CTTNBP2: variants seen among roughly 807,000 people sequenced by gnomAD.
CTTNBP2 encodes cortactin binding protein 2.
Under a neutral mutation model 156.9 loss-of-function variants are expected in CTTNBP2, and 108 were observed. The ratio of observed to expected loss-of-function variants is 0.69; its 90% confidence interval spans 0.59 to 0.81. The LOEUF (loss-of-function observed/expected upper bound fraction) is 0.81, where lower values mean the gene tolerates loss of function less well. Among genes scored for constraint, CTTNBP2 ranks in the 30% least tolerant of loss-of-function variants. The pLI is 0.00. For synonymous variants in CTTNBP2, 767 were observed against 751.8 expected (o/e 1.02, Z -0.33); for missense variants, 1,924 against 2,035.4 (o/e 0.95, Z 1.05).
At chr7:117,778,723 G>A (rs1320078476) in intron 7 of CTTNBP2, among the ~76,000 whole-genome samples, 1 of 152,106 alleles carries the variant, frequency 6.6e-6, no homozygotes, top group African/African-American at 2.4e-5. Flanking sequence ...TCTTTATATA[G>A]AAATCGGTCT....
chr7:117,771,006 A>G (rs1417406432), intron 8 of CTTNBP2, among the ~76,000 whole-genome samples: 2 of 152,206 alleles, frequency 1.3e-5, no homozygotes, highest in Non-Finnish European at 2.9e-5. Flanking sequence ...CAGCTTTCAC[A>G]TGCACTCACA....
intron 2 of CTTNBP2, among the ~76,000 whole-genome samples, chr7:117,824,360 A>G (rs1218300911): frequency 6.6e-6 from 1 of 151,892 alleles, no homozygotes; most frequent in African/African-American, 2.4e-5. Flanking sequence ...AGGAACATCA[A>G]TTTTTCTCCT....
chr7:117,832,535 ATTTTT>A (rs150586583), intron 2 of CTTNBP2, among the ~76,000 whole-genome samples: 1 of 147,850 alleles, frequency 6.8e-6, no homozygotes, highest in African/African-American at 2.5e-5. Flanking sequence ...CTCTACTCTC[ATTTTT>A]TTTTTACATA....
In CTTNBP2 at chr7:117,745,832, G is replaced by C. The variant is rs764773723; in HGVS notation, c.3534C>G (p.Ser1178Arg). 8.7e-6 allele frequency: 14 copies of C among 1,607,580 alleles called. No homozygotes were observed. Among genetic ancestry groups the C allele is most frequent in the Admixed American group, 6.7e-5 (4 of 59,966 alleles). Residue 1178 changes from serine (S) to arginine (R), a missense_variant and splice_region_variant, in exon 14 of 23, where the codon AGC becomes AGG. By Grantham distance (110) the Ser-to-Arg change is moderately radical (BLOSUM62 -1). Transcript: ENST00000160373. The part of the protein sequence containing the change: ...KEQLLDLFIS[S>R]ACLIPVKQSP... ...GGCAATTTGCTGAAATGTTCTTACC[G>C]CTACTAATGAACAGGTCTAGTAGCT...
At chr7:117,750,227 T>C (rs1050549266) in intron 12 of CTTNBP2, among the ~76,000 whole-genome samples, 1 of 152,210 alleles carries the variant, frequency 6.6e-6, no homozygotes, top group African/African-American at 2.4e-5. Context: ...TTTCTTAAGA[T>C]TGATTTTGAA....
chr7:117,756,186 C>G lies in CTTNBP2; in HGVS notation c.3348+369G>C, dbSNP rs186106873. Among the ~76,000 whole-genome samples, 29 of 152,324 alleles carry G rather than the reference C, an allele frequency of 1.9e-4. No homozygotes were observed. The East Asian group carries it at 4.6e-3, about 24-fold the overall frequency. On this transcript the variant is annotated intron_variant, in intron 12 of 22. Transcript: ENST00000160373. ...TCTCACTAATGCTAGCATCTTTACT[C>G]AATTTTAAATTATAAAAGTTTATAG... is the stretch of plus-strand genomic sequence containing the variant.
At chr7:117,872,611 GAGA>G (rs1400115395) in intron 1 of CTTNBP2, among the ~76,000 whole-genome samples, 2 of 152,172 alleles carry the variant, frequency 1.3e-5, no homozygotes. Flanking sequence ...CTAGACTCCA[GAGA>G]AGGAGAACAA....
At chr7:117,835,792 G>A (rs571767928) in intron 2 of CTTNBP2, among the ~76,000 whole-genome samples, 6 of 152,242 alleles carry the variant, frequency 3.9e-5, no homozygotes, top group African/African-American at 7.2e-5. Flanking sequence ...AGTCCACAAC[G>A]GGGGCTCTGG....
At chr7:117,832,945 C>G (rs1028087374) in intron 2 of CTTNBP2, among the ~76,000 whole-genome samples, 3 of 151,308 alleles carry the variant, frequency 2.0e-5, no homozygotes, top group African/African-American at 4.9e-5. Flanking sequence ...TTAGTAGAGA[C>G]AGAGTTTCAC....
At chr7:117,851,127 G>T (rs1263139798) in intron 2 of CTTNBP2, among the ~76,000 whole-genome samples, 1 of 152,146 alleles carries the variant, frequency 6.6e-6, no homozygotes, top group Admixed American at 6.5e-5. Flanking sequence ...CTTAAGCTTA[G>T]CATGGTGGTA....
chr7:117,782,133 C>T (rs531169298), intron 6 of CTTNBP2, among the ~76,000 whole-genome samples: 6 of 152,314 alleles, frequency 3.9e-5, no homozygotes, highest in Non-Finnish European at 5.9e-5. Flanking sequence ...ACATTCCTAT[C>T]GGGACAGTTA....
At chr7:117,798,055 T>C (rs545397824) in intron 3 of CTTNBP2, among the ~76,000 whole-genome samples, 2 of 152,106 alleles carry the variant, frequency 1.3e-5, no homozygotes, top group South Asian at 2.1e-4. Context: ...AGCCAAAAAA[T>C]TAAAGACATA....
At chr7:117,849,593 C>T (rs1802811316) in intron 2 of CTTNBP2, among the ~76,000 whole-genome samples, 1 of 152,092 alleles carries the variant, frequency 6.6e-6, no homozygotes, top group Admixed American at 6.5e-5. Flanking sequence ...TCCATCAGTC[C>T]ATACCCCTGT....
chr7:117,739,745 T>G (rs968973645), intron 14 of CTTNBP2, among the ~76,000 whole-genome samples: 1 of 152,124 alleles, frequency 6.6e-6, no homozygotes, highest in African/African-American at 2.4e-5. Context: ...AAACCCCGGC[T>G]CTGGAGGAAC....
chr7:117,823,103 T>A (rs1022140838), intron 2 of CTTNBP2, among the ~76,000 whole-genome samples: 2 of 152,372 alleles, frequency 1.3e-5, no homozygotes, highest in East Asian at 1.9e-4. Flanking sequence ...TGTTATTGAA[T>A]CTTCTATTGT....
chr7:117,740,226 CTCTAT>C (rs1795920132), intron 14 of CTTNBP2, among the ~76,000 whole-genome samples: 1 of 151,706 alleles, frequency 6.6e-6, no homozygotes, highest in South Asian at 2.1e-4. Context: ...GTCTTTTGTT[CTCTAT>C]TCTTTTCTTC....
At chr7:117,867,060 A>G (rs1804248656) in intron 1 of CTTNBP2, among the ~76,000 whole-genome samples, 1 of 152,216 alleles carries the variant, frequency 6.6e-6, no homozygotes, top group Admixed American at 6.5e-5. Flanking sequence ...CTAGGTACAT[A>G]AGAACATGCA....
At chr7:117,789,756 G>C (rs1434857020) in intron 4 of CTTNBP2, among the ~76,000 whole-genome samples, 1 of 152,054 alleles carries the variant, frequency 6.6e-6, no homozygotes, top group Non-Finnish European at 1.5e-5. Flanking sequence ...AAGCTGACAG[G>C]TTATAGGATC....
At chr7:117,719,215 G>A (rs1794639922) in intron 21 of CTTNBP2, among the ~76,000 whole-genome samples, 1 of 152,032 alleles carries the variant, frequency 6.6e-6, no homozygotes. Flanking sequence ...AAATAAAAAA[G>A]AAAAGCTGCC....
Sources: allele counts gnomAD v4.1 joint callset (sites outside exome capture counted in the v4.1 genomes callset), GRCh38; gene constraint gnomAD v4.1.1; transcripts MANE v1.5; gene names NCBI Gene and HGNC (gene_info 2026-07-23, HGNC 2026-07-21).